MAMLD1: variants seen among roughly 807,000 people sequenced by gnomAD.
MAMLD1 encodes the protein mastermind-like domain-containing protein 1.
In MAMLD1, 14 loss-of-function variants were observed where a neutral mutation model predicts 45.0. The observed-to-expected ratio is 0.31, with a 90% CI of 0.21 to 0.49. MAMLD1 has a LOEUF of 0.49. Among genes scored for constraint, MAMLD1 ranks in the 20% least tolerant of loss-of-function variants. The pLI is 0.99. For synonymous variants in MAMLD1, 254 were observed against 247.8 expected, an observed-to-expected ratio of 1.02 and a Z score of -0.24; for missense variants, 543 against 603.6, an observed-to-expected ratio of 0.90 and a Z score of 1.05.
intron 1 of MAMLD1, among the ~76,000 whole-genome samples, chrX:150,444,415 T>C (rs1186350305): frequency 8.9e-6 from 1 of 112,042 alleles, no homozygotes; most frequent in Non-Finnish European, 1.9e-5. Context: ...GTTTCTGGCT[T>C]CTTCAGCTCC....
intron 3 of MAMLD1, among the ~76,000 whole-genome samples, chrX:150,463,893 C>T (rs942287846): frequency 1.8e-5 from 2 of 111,216 alleles, no homozygotes; most frequent in African/African-American, 3.3e-5. Context: ...CTTGCCTCCC[C>T]CTACTTCCAC....
intron 5 of MAMLD1, among the ~76,000 whole-genome samples, chrX:150,487,514 T>C (rs1557407690): frequency 8.9e-6 from 1 of 112,326 alleles, no homozygotes; most frequent in Non-Finnish European, 1.9e-5. Flanking sequence ...GCAGCTCTTT[T>C]CCCAAGGACA....
chrX:150,494,595 G>A (rs1016876997), intron 5 of MAMLD1, among the ~76,000 whole-genome samples: 7 of 109,779 alleles, frequency 6.4e-5, no homozygotes, highest in African/African-American at 2.3e-4. Context: ...AACCTTAGTG[G>A]CGGGGCCGGG....
intron 5 of MAMLD1, among the ~76,000 whole-genome samples, chrX:150,480,568 C>G (rs1374972112): frequency 2.7e-5 from 3 of 111,929 alleles, no homozygotes; most frequent in African/African-American, 9.8e-5. Flanking sequence ...AGACAGCTGA[C>G]TCTTAACTCT....
intron 1 of MAMLD1, among the ~76,000 whole-genome samples, chrX:150,383,544 C>CT (rs1270929307): frequency 9.0e-6 from 1 of 110,996 alleles, no homozygotes; most frequent in Non-Finnish European, 1.9e-5. Flanking sequence ...TATTAAATAT[C>CT]TAAGTATTGC....
At chrX:150,415,739 A>G (rs183813491) in intron 1 of MAMLD1, among the ~76,000 whole-genome samples, 2 of 112,465 alleles carry the variant, frequency 1.8e-5, no homozygotes, top group Non-Finnish European at 3.8e-5. Flanking sequence ...TTAAAGTAAC[A>G]TGCCTTTCAA....
At chrX:150,428,033 G>T (rs1557403889) in intron 1 of MAMLD1, among the ~76,000 whole-genome samples, 2 of 111,140 alleles carry the variant, frequency 1.8e-5, no homozygotes, top group Non-Finnish European at 1.9e-5. Flanking sequence ...TAAGCAAGAG[G>T]TCGTAGATAA....
intron 1 of MAMLD1, among the ~76,000 whole-genome samples, chrX:150,425,823 C>T (rs2034685375): frequency 8.9e-6 from 1 of 112,426 alleles, no homozygotes; most frequent in Non-Finnish European, 1.9e-5. Flanking sequence ...GTACAGAAGG[C>T]TCTTCCTATG....
intron 1 of MAMLD1, among the ~76,000 whole-genome samples, chrX:150,374,169 A>C: frequency 8.9e-6 from 1 of 112,919 alleles, no homozygotes; most frequent in East Asian, 2.8e-4. Flanking sequence ...GACAATTGAA[A>C]AATAACACGC....
intron 3 of MAMLD1, among the ~76,000 whole-genome samples, chrX:150,468,978 A>AGAGT (rs1557406113): frequency 5.0e-5 from 5 of 100,692 alleles, no homozygotes; most frequent in African/African-American, 7.3e-5. Flanking sequence ...AATGTGTGAG[A>AGAGT]GTGTGTGTGT....
intron 1 of MAMLD1, among the ~76,000 whole-genome samples, chrX:150,367,606 C>T (rs1042024589): frequency 6.3e-5 from 7 of 111,685 alleles, no homozygotes; most frequent in East Asian, 2.8e-4. Context: ...ATGTGCACAA[C>T]GTGCAGGTTT....
chrX:150,387,055 T>C (rs1384959285), intron 1 of MAMLD1, among the ~76,000 whole-genome samples: 1 of 111,784 alleles, frequency 8.9e-6, no homozygotes, highest in African/African-American at 3.2e-5. Context: ...TTAAACTCTT[T>C]TATTCCTTAC....
At chrX:150,442,380 C>G (rs919738761) in intron 1 of MAMLD1, among the ~76,000 whole-genome samples, 1 of 110,946 alleles carries the variant, frequency 9.0e-6, no homozygotes, top group African/African-American at 3.3e-5. Context: ...TTTCTGACTT[C>G]CTGTGGGTTA....
At chrX:150,362,924 T>G (rs1476313002), upstream of MAMLD1, 2 of 112,555 alleles carry the variant, frequency 1.8e-5, no homozygotes, top group African/African-American at 6.5e-5. Context: ...CTCCGATCCC[T>G]CCCCAGCTGC....
chrX:150,478,707 G>T (rs1299082499), intron 5 of MAMLD1, among the ~76,000 whole-genome samples: 1 of 112,422 alleles, frequency 8.9e-6, no homozygotes, highest in Admixed American at 9.4e-5. Context: ...AGAGCCCGTG[G>T]GTCAGAGCCG....
At chrX:150,440,476 C>T (rs2035264517) in intron 1 of MAMLD1, among the ~76,000 whole-genome samples, 1 of 110,598 alleles carries the variant, frequency 9.0e-6, no homozygotes, top group South Asian at 3.7e-4. Flanking sequence ...TTAGTGAGGT[C>T]ATCTGGGCTT....
At chrX:150,384,561 G>A (rs1422448302) in intron 1 of MAMLD1, among the ~76,000 whole-genome samples, 1 of 111,327 alleles carries the variant, frequency 9.0e-6, no homozygotes, top group African/African-American at 3.3e-5. Flanking sequence ...CCATTCTGTG[G>A]GTCATATTTA....
At chrX:150,368,169 CCCA>C (rs1306870414) in intron 1 of MAMLD1, among the ~76,000 whole-genome samples, 1 of 111,596 alleles carries the variant, frequency 9.0e-6, no homozygotes, top group African/African-American at 3.3e-5. Context: ...AGTTTACAGT[CCCA>C]CCAACAGTGT....
rs781895653 is a variant in MAMLD1, at chrX:150,471,310, G to T, written c.1737G>T (p.Thr579=). ...LLHYLQQPTP[T]QASSATASST... ...ACTACCTGCAGCAGCCGACACCAAC[G>T]CAGGCCTCCTCAGCCACTGCCTCCT... is the stretch of plus-strand genomic sequence containing the variant. The change falls in exon 4 of 8, where the codon ACG becomes ACT. Residue 579 remains threonine, a synonymous_variant. Coordinates refer to ENST00000370401, the MANE Select transcript of MAMLD1 (RefSeq NM_005491.5). The T allele has an allele frequency of 1.7e-6, 2 of 1,210,737 alleles. No individual in the cohort carries two copies. Among genetic ancestry groups the T allele is most frequent in the Admixed American group, 2.2e-5 (1 of 45,941 alleles).
Sources: allele counts gnomAD v4.1 joint callset (sites outside exome capture counted in the v4.1 genomes callset), GRCh38; gene constraint gnomAD v4.1.1; transcripts MANE v1.5; gene names NCBI Gene and HGNC (gene_info 2026-07-23, HGNC 2026-07-21).